Variants in VGLL4 observed in about 807,000 individuals in gnomAD.
VGLL4 encodes the protein transcription cofactor vestigial-like protein 4.
VGLL4 carries 7 observed loss-of-function variants against 21.0 expected under a neutral mutation model. That is an observed-to-expected ratio of 0.33 (90% CI 0.19 to 0.63). The LOEUF is 0.63. Ranked by LOEUF, VGLL4 falls within the 20% of genes least tolerant of loss-of-function variation. The pLI, the probability that VGLL4 is intolerant of heterozygous loss-of-function variation, is 0.78. For missense variants in VGLL4, 394 were observed against 425.7 expected (o/e 0.93, Z 0.66); for synonymous variants, 222 against 173.2 (o/e 1.28, Z -2.21).
At chr3:11,629,606 T>G (rs113278892) in intron 1 of VGLL4, among the ~76,000 whole-genome samples, 3,248 of 151,418 alleles carry the variant, frequency 0.021, 99 homozygotes, top group African/African-American at 0.073. Flanking sequence ...AATTAGCCAG[T>G]TGTGGTGGCA....
intron 1 of VGLL4, among the ~76,000 whole-genome samples, chr3:11,634,840 T>C (rs1281276904): frequency 6.6e-6 from 1 of 151,964 alleles, no homozygotes; most frequent in African/African-American, 2.4e-5. Context: ...CCTGGCTAAT[T>C]TTTATATTTT....
intron 2 of VGLL4, among the ~76,000 whole-genome samples, chr3:11,685,571 G>A (rs1174642692): frequency 6.6e-6 from 1 of 152,188 alleles, no homozygotes; most frequent in Non-Finnish European, 1.5e-5. Context: ...GAACAGAGCT[G>A]TAATCAACAT....
intron 2 of VGLL4, among the ~76,000 whole-genome samples, chr3:11,664,284 G>C (rs766317814): frequency 3.9e-5 from 6 of 152,050 alleles, no homozygotes; most frequent in Non-Finnish European, 8.8e-5. Flanking sequence ...TAGAACAGAA[G>C]CTGGACACAG....
chr3:11,618,223 T>C (rs1490584877), intron 1 of VGLL4, among the ~76,000 whole-genome samples: 3 of 152,308 alleles, frequency 2.0e-5, no homozygotes, highest in African/African-American at 7.2e-5. Context: ...TATACAGATA[T>C]GTTGGGTTTT....
intron 2 of VGLL4, among the ~76,000 whole-genome samples, chr3:11,596,545 C>T (rs919728839): frequency 2.0e-5 from 3 of 152,124 alleles, no homozygotes; most frequent in Non-Finnish European, 2.9e-5. Context: ...AGGAGGAGCT[C>T]GGGAGAGTTG....
At chr3:11,658,935 C>T (rs2125351824) in intron 2 of VGLL4, among the ~76,000 whole-genome samples, 1 of 152,286 alleles carries the variant, frequency 6.6e-6, no homozygotes, top group Non-Finnish European at 1.5e-5. Flanking sequence ...AAACATCCAA[C>T]ATAGGTACCT....
At chr3:11,615,909 G>C (rs1260174762) in intron 1 of VGLL4, among the ~76,000 whole-genome samples, 2 of 152,180 alleles carry the variant, frequency 1.3e-5, no homozygotes, top group Non-Finnish European at 2.9e-5. Context: ...GACCTGTATG[G>C]TTCAGGCAAA....
At chr3:11,572,776 CT>C (rs1473701628) in intron 2 of VGLL4, among the ~76,000 whole-genome samples, 1 of 152,200 alleles carries the variant, frequency 6.6e-6, no homozygotes, top group Non-Finnish European at 1.5e-5. Flanking sequence ...TGTTATTTGC[CT>C]GCTCTGTGGT....
chr3:11,666,954 C>T (rs561923514), intron 2 of VGLL4, among the ~76,000 whole-genome samples: 9 of 152,192 alleles, frequency 5.9e-5, no homozygotes, highest in Admixed American at 1.3e-4. Context: ...TTCCTGACTC[C>T]GCTTCCTCAT....
chr3:11,562,317 T>C (rs988195405), intron 3 of VGLL4, among the ~76,000 whole-genome samples: 1 of 152,160 alleles, frequency 6.6e-6, no homozygotes, highest in East Asian at 1.9e-4. Flanking sequence ...GGACACTTTC[T>C]GTAGCCTCCC....
intron 2 of VGLL4, among the ~76,000 whole-genome samples, chr3:11,586,568 C>T (rs889540431): frequency 3.3e-5 from 5 of 152,200 alleles, no homozygotes; most frequent in Admixed American, 6.5e-5. Flanking sequence ...CTAAACAATA[C>T]AGTATAACAA....
intron 2 of VGLL4, among the ~76,000 whole-genome samples, chr3:11,578,395 G>T (rs2074118554): frequency 6.6e-6 from 1 of 152,102 alleles, no homozygotes; most frequent in Non-Finnish European, 1.5e-5. Context: ...CCGGAGCATG[G>T]TCACAACTGC....
At chr3:11,657,534 T>A (rs200020174) in intron 2 of VGLL4, among the ~76,000 whole-genome samples, 2 of 14 alleles carry the variant, frequency 0.14, no homozygotes, top group African/African-American at 0.5. Flanking sequence ...GGTGAGAGGA[T>A]CTTAACTAAC....
chr3:11,641,073 C>T (rs935125825), intron 1 of VGLL4, among the ~76,000 whole-genome samples: 2 of 145,652 alleles, frequency 1.4e-5, no homozygotes, highest in Non-Finnish European at 3.0e-5. Flanking sequence ...GCCAAGATCG[C>T]GCCATTGCAC....
intron 1 of VGLL4, among the ~76,000 whole-genome samples, chr3:11,711,467 G>C (rs1314654885): frequency 6.6e-6 from 1 of 151,784 alleles, no homozygotes; most frequent in Admixed American, 6.6e-5. Flanking sequence ...GGGAGGCTGA[G>C]GAGGCAGAAG....
chr3:11,704,028 G>C (rs969560463), intron 1 of VGLL4, among the ~76,000 whole-genome samples: 2 of 151,840 alleles, frequency 1.3e-5, no homozygotes, highest in African/African-American at 4.8e-5. Flanking sequence ...CAGATCACTT[G>C]AGGTCAGGAG....
chr3:11,609,523 C>T (rs538895757), intron 1 of VGLL4, among the ~76,000 whole-genome samples: 2 of 152,298 alleles, frequency 1.3e-5, no homozygotes, highest in South Asian at 2.1e-4. Flanking sequence ...CAGCTGAAAC[C>T]TGGACAAATA....
chr3:11,580,400 G>A (rs966332095), intron 2 of VGLL4, among the ~76,000 whole-genome samples: 4 of 152,244 alleles, frequency 2.6e-5, no homozygotes, highest in Non-Finnish European at 4.4e-5. Flanking sequence ...ATCCGGTGAT[G>A]AGCACTTGGG....
In VGLL4 at chr3:11,573,323, GAAAGA is replaced by G. The variant is rs1559870321; in HGVS notation, c.273-8309_273-8305del. Reference sequence around the variant, plus strand: ...AGAAAGAAAGGAAGGAAGGAAGAAAGAAAGAAAGAAAGAAAGAAAGAAAGAAAGAA... The same window carrying G: ...AGAAAGAAAGGAAGGAAGGAAGAAAGAAGAAAGAAAGAAAGAAAGAAAGAA... On this transcript the variant is annotated intron_variant, in intron 2 of 4. Transcript: ENST00000430365. Among the ~76,000 whole-genome samples, 192 of 34,448 alleles carry G rather than the reference GAAAGA, an allele frequency of 5.6e-3. 7 individuals carry two copies. Among genetic ancestry groups the G allele is most frequent in the Admixed American group, 0.015 (55 of 3,654 alleles). The allele number at this position is 34,448 out of a possible 152,430, so 22.6% of individuals were successfully genotyped here.
Sources: allele counts gnomAD v4.1 joint callset (sites outside exome capture counted in the v4.1 genomes callset), GRCh38; gene constraint gnomAD v4.1.1; transcripts MANE v1.5; gene names NCBI Gene and HGNC (gene_info 2026-07-23, HGNC 2026-07-21).